PAG1: variants seen among roughly 807,000 people sequenced by gnomAD.
PAG1 encodes the protein phosphoprotein associated with glycosphingolipid-enriched microdomains 1.
PAG1 carries 23 observed loss-of-function variants against 31.7 expected under a neutral mutation model. That is an observed-to-expected ratio of 0.73 (90% CI 0.52 to 1.03). The LOEUF is 1.03. Among genes scored for constraint, PAG1 ranks in the 50% least tolerant of loss-of-function variants. The pLI is 0.00. For synonymous variants in PAG1, 214 were observed against 210.3 expected, an observed-to-expected ratio of 1.02 and a Z score of -0.15; for missense variants, 473 against 540.7, an observed-to-expected ratio of 0.87 and a Z score of 1.24.
At position 81,093,938 on chromosome 8, in the gene PAG1, T is replaced by C. The variant is rs534581085; in HGVS notation, c.-234+17653A>G. On this transcript the variant is annotated intron_variant, in intron 1 of 8. Transcript: ENST00000220597. The stretch of plus-strand genomic sequence containing the variant: ...AATGGCCAGGCTTCAGGGGGAGGTA[T>C]AGCCCCTCCATCACTTCCTGGCATC... Among the ~76,000 whole-genome samples, 158 of 152,244 alleles carry C rather than the reference T, an allele frequency of 1.0e-3. 1 individual carries two copies. The highest frequency in any genetic ancestry group is 1.9e-3 in the Non-Finnish European group (129 of 68,004).
intron 3 of PAG1, among the ~76,000 whole-genome samples, chr8:80,995,270 T>C (rs1586152575): frequency 6.6e-6 from 1 of 152,266 alleles, no homozygotes; most frequent in Admixed American, 6.5e-5. Flanking sequence ...TCTATAATTA[T>C]ATAAATGCAG....
At chr8:81,032,964 CA>C (rs1261587654) in intron 2 of PAG1, among the ~76,000 whole-genome samples, 1 of 151,902 alleles carries the variant, frequency 6.6e-6, no homozygotes, top group Non-Finnish European at 1.5e-5. Flanking sequence ...AAACCAGTCA[CA>C]AAAAAATATT....
intron 3 of PAG1, among the ~76,000 whole-genome samples, chr8:81,018,566 A>G (rs1808110441): frequency 6.6e-6 from 1 of 152,224 alleles, no homozygotes; most frequent in African/African-American, 2.4e-5. Flanking sequence ...GGTCTTTCCC[A>G]TGCTGTTCTC....
intron 1 of PAG1, among the ~76,000 whole-genome samples, chr8:81,086,382 G>T (rs1470855651): frequency 6.6e-6 from 1 of 152,086 alleles, no homozygotes; most frequent in African/African-American, 2.4e-5. Context: ...ACTGTAAAAA[G>T]AAGTCATCTA....
intron 3 of PAG1, among the ~76,000 whole-genome samples, chr8:80,997,206 T>A (rs2130551095): frequency 6.6e-6 from 1 of 152,356 alleles, no homozygotes; most frequent in Non-Finnish European, 1.5e-5. Context: ...GACATTTAAG[T>A]CTATTTCTCC....
chr8:81,092,782 A>T (rs1188640233), intron 1 of PAG1, among the ~76,000 whole-genome samples: 1 of 152,248 alleles, frequency 6.6e-6, no homozygotes, highest in Non-Finnish European at 1.5e-5. Flanking sequence ...CTGATTTAAT[A>T]AATCACTTTT....
At position 80,968,751 on chromosome 8, in the gene PAG1, G is replaced by C. The variant is rs1275910516; in HGVS notation, c.*7793C>G. On this transcript the variant is annotated 3_prime_UTR_variant, in exon 9 of 9. Transcript: ENST00000220597. ...GCCATATTATATTATCTACAAACCA[G>C]GTTTATTCCTGAGTTTAAAAAGAAG... 1 of 152,112 alleles carries C rather than the reference G, an allele frequency of 6.6e-6. No individual in the cohort carries two copies. Among genetic ancestry groups the C allele is most frequent in the South Asian group, 2.1e-4 (1 of 4,812 alleles). 9.4% of individuals were successfully genotyped at this position (152,112 alleles called of 1,614,324 possible). A position where few individuals can be genotyped will look rare whatever the true frequency, so the allele number is the denominator to read the frequency against.
rs935334408 is a variant in PAG1, at chr8:80,971,592, A to T, written c.*4952T>A. ...AGACAACCCAAGGGTAGCACATTTTAAAAAATACCCACAGTATATAACTGG... is the reference window on the plus strand; with the variant it reads ...AGACAACCCAAGGGTAGCACATTTTTAAAAATACCCACAGTATATAACTGG... On this transcript the variant is annotated 3_prime_UTR_variant, in exon 9 of 9. Transcript: ENST00000220597. 1 of 152,236 alleles carries T rather than the reference A, an allele frequency of 6.6e-6. No homozygotes were observed. The highest frequency in any genetic ancestry group is 6.5e-5 in the Admixed American group (1 of 15,280). The allele number at this position is 152,236 out of a possible 1,614,324, so 9.4% of individuals were successfully genotyped here.
chr8:81,014,425 G>T (rs1377704007), intron 3 of PAG1, among the ~76,000 whole-genome samples: 1 of 152,234 alleles, frequency 6.6e-6, no homozygotes, highest in Non-Finnish European at 1.5e-5. Context: ...AGGCACTGAA[G>T]CCTTTCCAGA....
At chr8:80,996,780 C>T (rs910485303) in intron 3 of PAG1, among the ~76,000 whole-genome samples, 2 of 152,038 alleles carry the variant, frequency 1.3e-5, no homozygotes, top group African/African-American at 2.4e-5. Flanking sequence ...TGGGGGTCCT[C>T]GTTCTGTTCT....
intron 2 of PAG1, chr8:81,039,571 T>A (rs1808519610): frequency 6.6e-6 from 1 of 152,306 alleles, no homozygotes; most frequent in African/African-American, 2.4e-5. Flanking sequence ...TCTGGATGTT[T>A]AAACCACTCA....
In PAG1 at chr8:81,087,341, C is replaced by CAAAAA. The variant is rs34830995; in HGVS notation, c.-233-17176_-233-17172dup. ...CTGGGCAACAGATGAGACTCTGTCTCAAAAAAAAAAAAAAAAAAAGAATTT... is the reference window on the plus strand; with the variant it reads ...CTGGGCAACAGATGAGACTCTGTCTCAAAAAAAAAAAAAAAAAAAAAAAAGAATTT... On this transcript the variant is annotated intron_variant, in intron 1 of 8. Coordinates refer to ENST00000220597, the MANE Select transcript of PAG1 (RefSeq NM_018440.4). Among the ~76,000 whole-genome samples the CAAAAA allele has an allele frequency of 9.0e-3, 888 of 98,252 alleles. 9 individuals are homozygous for CAAAAA. The highest frequency in any genetic ancestry group is 0.032 in the African/African-American group (851 of 26,366). 64.5% of individuals were successfully genotyped at this position (98,252 alleles called of 152,430 possible). A position where few individuals can be genotyped will look rare whatever the true frequency, so the allele number is the denominator to read the frequency against.
intron 7 of PAG1, 32 bp downstream of exon 7, chr8:80,984,744 C>T: frequency 6.3e-7 from 1 of 1,598,344 alleles, no homozygotes; most frequent in Non-Finnish European, 8.5e-7. Flanking sequence ...AACAGGAACC[C>T]ACAAAGACAA....
chr8:80,992,511 C>G (rs75312448), intron 4 of PAG1, among the ~76,000 whole-genome samples: 3,103 of 152,228 alleles, frequency 0.02, 94 homozygotes, highest in African/African-American at 0.069. Context: ...GAAAGAACTT[C>G]TCTCTGAGCA....
intron 2 of PAG1, among the ~76,000 whole-genome samples, chr8:81,045,647 A>G (rs1348430156): frequency 6.6e-6 from 1 of 152,216 alleles, no homozygotes; most frequent in Non-Finnish European, 1.5e-5. Context: ...ACTGAAAGCC[A>G]CTGAACTGTA....
At chr8:81,071,352 A>C (rs1220732420) in intron 1 of PAG1, among the ~76,000 whole-genome samples, 1 of 152,176 alleles carries the variant, frequency 6.6e-6, no homozygotes, top group Non-Finnish European at 1.5e-5. Context: ...TAAAGAACCC[A>C]CTTGCCAAGA....
chr8:80,972,341 A>T lies in PAG1; in HGVS notation c.*4203T>A, dbSNP rs769347342. 3.9e-5 allele frequency: 6 copies of T among 152,228 alleles called. No individual in the cohort carries two copies. Among genetic ancestry groups the T allele is most frequent in the Non-Finnish European group, 8.8e-5 (6 of 68,036 alleles). 9.4% of individuals were successfully genotyped at this position (152,228 alleles called of 1,614,324 possible). On this transcript the variant is annotated 3_prime_UTR_variant, in exon 9 of 9. Coordinates refer to ENST00000220597, the MANE Select transcript of PAG1 (RefSeq NM_018440.4). ...TAACTATTACAAGGGGCACTGGAAA[A>T]AAAGGTCATTTGCTCATTTACAAAA...
intron 7 of PAG1, among the ~76,000 whole-genome samples, chr8:80,982,819 G>T (rs1441330365): frequency 1.3e-5 from 2 of 152,104 alleles, no homozygotes; most frequent in Non-Finnish European, 2.9e-5. Context: ...CTAAGCGTAG[G>T]ATCCATCCGC....
rs201749191 is a variant in PAG1 at position 81,055,529 on chromosome 8, T to C, written c.-175+14583A>G. ...GTAGCTTGATGGGGATGGCATTGAA[T>C]CTATAAGTTACCTTGGGCAGTATGG... On this transcript the variant is annotated intron_variant, in intron 2 of 8. Coordinates refer to ENST00000220597, the MANE Select transcript of PAG1 (RefSeq NM_018440.4). Among the ~76,000 whole-genome samples, 6 of 152,206 alleles carry C rather than the reference T, an allele frequency of 3.9e-5. No individual in the cohort carries two copies. In the South Asian group the frequency reaches 1.2e-3, roughly 32 times the overall value.
Sources: gnomAD v4.1 joint callset for allele counts (sites outside exome capture counted in the v4.1 genomes callset) on GRCh38, gnomAD v4.1.1 for gene constraint, MANE v1.5 for transcripts, NCBI Gene and HGNC (gene_info 2026-07-23, HGNC 2026-07-21) for gene names.